REV1: variants seen among roughly 807,000 people sequenced by gnomAD.
The protein encoded by REV1 is translesion synthesis protein REV1.
Under a neutral mutation model 137.4 loss-of-function variants are expected in REV1, and 42 were observed. The observed-to-expected ratio is 0.31, with a 90% CI of 0.24 to 0.40. The LOEUF (loss-of-function observed/expected upper bound fraction) is 0.40, where lower values mean the gene tolerates loss of function less well. Among genes scored for constraint, REV1 ranks in the 10% least tolerant of loss-of-function variants. REV1 has a pLI of 1.00. For missense variants in REV1, 1,282 were observed against 1,490.1 expected (o/e 0.86, Z 2.30); for synonymous variants, 524 against 519.2 (o/e 1.01, Z -0.12).
Position 99,439,074 on chromosome 2 carries a change from T to C in REV1, c.740A>G (p.Asn247Ser), listed in dbSNP as rs781231778. 1.9e-5 allele frequency: 30 copies of C among 1,614,034 alleles called. No individual in the cohort carries two copies. Among genetic ancestry groups the C allele is most frequent in the South Asian group, 1.1e-4 (10 of 91,080 alleles). Residue 247 changes from asparagine (N) to serine (S), a missense_variant, in exon 6 of 23, where the codon AAC becomes AGC. Physicochemically the swap from Asn to Ser is conservative, Grantham distance 46 (BLOSUM62 1). Around this residue, in one of 7 missense-constraint regions of REV1, gnomAD observed 432 missense variants for 438.0 expected, o/e 0.99. Coordinates refer to ENST00000258428, the MANE Select transcript of REV1 (RefSeq NM_016316.4). ...TGGAGAAAGCCTGCTGGCAACACTG[T>C]TGACCATGGGCACCAAGCAATCCTG... ...KTQDCLVPMV[N>S]SVASRLSPAF...
In REV1 at chr2:99,403,069, C is replaced by G; in HGVS notation, c.3204G>C (p.Val1068=). 11 of 1,612,860 alleles carry G rather than the reference C, an allele frequency of 6.8e-6. No individual in the cohort carries two copies. The highest frequency in any genetic ancestry group is 9.3e-6 in the Non-Finnish European group (11 of 1,179,494). The change falls in exon 20 of 23, where the codon GTG becomes GTC. Residue 1068 remains valine (V), a synonymous_variant. Transcript: ENST00000258428. ...KNPLLHLKAA[V]KEKKRNKKKK... is the part of the protein sequence containing the mutation. ...TCTTCTTGTTTCTTTTCTTTTCTTT[C>G]ACTGCTGCCTTTAGATGAAGTAAAG...
intron 9 of REV1, among the ~76,000 whole-genome samples, chr2:99,425,924 T>C (rs1679280757): frequency 6.6e-6 from 1 of 152,042 alleles, no homozygotes; most frequent in Non-Finnish European, 1.5e-5. Context: ...TAATCCCAGC[T>C]ACTTGGGAGG....
intron 10 of REV1, among the ~76,000 whole-genome samples, chr2:99,422,488 G>A (rs894596302): frequency 2.0e-5 from 3 of 152,098 alleles, no homozygotes; most frequent in Non-Finnish European, 4.4e-5. Flanking sequence ...CCTTACTGTA[G>A]GTAGGTTACA....
At chr2:99,457,439 T>C (rs891826025) in intron 3 of REV1, among the ~76,000 whole-genome samples, 1 of 152,158 alleles carries the variant, frequency 6.6e-6, no homozygotes, top group Admixed American at 6.5e-5. Context: ...CCCAGCACTC[T>C]GGGAGGCCGA....
chr2:99,425,046 A>G (rs1347926070), intron 9 of REV1: 1 of 544,646 alleles, frequency 1.8e-6, no homozygotes, highest in Non-Finnish European at 2.6e-6. Context: ...GAATCAAGAA[A>G]AAAAATTATA....
At chr2:99,424,439 G>C (rs1036722924) in intron 9 of REV1, 159 bp from the exon 10 acceptor site, 1 of 768,816 alleles carries the variant, frequency 1.3e-6, no homozygotes, top group African/African-American at 1.8e-5. Context: ...TTACAGCCTT[G>C]TTTTCCCCCA....
chr2:99,426,204 G>A (rs192652019), intron 9 of REV1, among the ~76,000 whole-genome samples: 9 of 146,290 alleles, frequency 6.2e-5, no homozygotes, highest in Non-Finnish European at 1.0e-4. Context: ...AAAATTAGCC[G>A]GGCATGGTGG....
chr2:99,450,316 AT>A lies in REV1; in HGVS notation c.182-813del, dbSNP rs1575141616. Among the ~76,000 whole-genome samples the A allele has an allele frequency of 2.0e-5, 3 of 152,322 alleles. No homozygotes were observed. The East Asian group carries it at 5.8e-4, about 29-fold the overall frequency. On this transcript the variant is annotated intron_variant, in intron 3 of 22. Coordinates refer to ENST00000258428, the MANE Select transcript of REV1 (RefSeq NM_016316.4). ...GAAATGTCTGATTCACTAAAGTCAT[AT>A]TATGGCCTGCATTACTAGCATCACA...
intron 4 of REV1, among the ~76,000 whole-genome samples, chr2:99,445,691 T>C (rs1322918541): frequency 6.6e-6 from 1 of 152,210 alleles, no homozygotes; most frequent in African/African-American, 2.4e-5. Context: ...TTTAATACAC[T>C]ATGTACAAGT....
At chr2:99,414,757 C>CA (rs1183849541) in intron 12 of REV1, among the ~76,000 whole-genome samples, 1 of 152,200 alleles carries the variant, frequency 6.6e-6, no homozygotes. Context: ...ATAATCTGAC[C>CA]ATGATCTTTC....
At chr2:99,471,955 GT>G (rs1222040603) in intron 1 of REV1, among the ~76,000 whole-genome samples, 1 of 149,936 alleles carries the variant, frequency 6.7e-6, no homozygotes, top group Non-Finnish European at 1.5e-5. Flanking sequence ...CCCGAGCCCT[GT>G]TGGTGGGAAT....
intron 3 of REV1, among the ~76,000 whole-genome samples, chr2:99,455,395 C>T (rs1190968780): frequency 6.6e-6 from 1 of 152,176 alleles, no homozygotes; most frequent in African/African-American, 2.4e-5. Flanking sequence ...ACTCTTCTCA[C>T]CCCTAACTAC....
chr2:99,429,789 A>C, intron 9 of REV1, 51 bp downstream of exon 9: 1 of 1,122,654 alleles, frequency 8.9e-7, no homozygotes, highest in Non-Finnish European at 1.3e-6. Flanking sequence ...TTATATAAAA[A>C]TAATTAACCA....
chr2:99,480,099 G>C (rs895651434), intron 1 of REV1, among the ~76,000 whole-genome samples: 1 of 152,128 alleles, frequency 6.6e-6, no homozygotes, highest in African/African-American at 2.4e-5. Flanking sequence ...CAGGAGGACT[G>C]CTCAAGCCCA....
At chr2:99,406,187 A>T in intron 16 of REV1, 81 bp from the exon 17 acceptor site, 1 of 1,395,982 alleles carries the variant, frequency 7.2e-7, no homozygotes, top group Non-Finnish European at 9.6e-7. Context: ...CAAATAAAAA[A>T]ACTTTATTAC....
At chr2:99,488,670 G>C (rs1687349820) in intron 1 of REV1, among the ~76,000 whole-genome samples, 1 of 152,218 alleles carries the variant, frequency 6.6e-6, no homozygotes, top group Admixed American at 6.5e-5. Flanking sequence ...GCAAACCCAA[G>C]AATATGTGTG....
In REV1 at chr2:99,429,133, GA is replaced by G. The variant is rs982803786; in HGVS notation, c.1547+706del. Among the ~76,000 whole-genome samples the G allele has an allele frequency of 1.6e-4, 24 of 150,720 alleles. No individual in the cohort carries two copies. The South Asian group carries it at 4.2e-3, about 26-fold the overall frequency. On this transcript the variant is annotated intron_variant, in intron 9 of 22. Coordinates refer to ENST00000258428, the MANE Select transcript of REV1 (RefSeq NM_016316.4). ...AAAATGTCTGTGTTTGGTTGACAAG[GA>G]AAAAAAAATGAAGACTTCTCTTTTT... is the stretch of plus-strand genomic sequence containing the variant.
intron 6 of REV1, chr2:99,436,646 C>T (rs1178811919): frequency 6.6e-6 from 1 of 152,166 alleles, no homozygotes; most frequent in Non-Finnish European, 1.5e-5. Flanking sequence ...AGTGTCCTCA[C>T]CTAAGGACAA....
At chr2:99,403,153 T>C in intron 19 of REV1, 47 bp from the exon 20 acceptor site, 1 of 1,417,906 alleles carries the variant, frequency 7.1e-7, no homozygotes, top group Non-Finnish European at 9.6e-7. Flanking sequence ...ATAGTATGGA[T>C]AGTCTGGATG....
Sources: allele counts gnomAD v4.1 joint callset (sites outside exome capture counted in the v4.1 genomes callset), GRCh38; gene constraint gnomAD v4.1.1; regional missense constraint gnomAD v4.1.1; transcripts MANE v1.5; gene names NCBI Gene and HGNC (gene_info 2026-07-23, HGNC 2026-07-21).